Variants in CLEC4D observed in about 807,000 individuals in gnomAD.
CLEC4D encodes C-type lectin domain family 4 member D.
A neutral mutation model predicts 21.1 loss-of-function variants in CLEC4D; 21 were observed. That is an observed-to-expected ratio of 1.00 (90% CI 0.71 to 1.43). The LOEUF (loss-of-function observed/expected upper bound fraction) is 1.43. CLEC4D is among the 40% of genes most tolerant of loss of function. The pLI is 0.00. For missense variants in CLEC4D, 289 were observed against 260.7 expected (o/e 1.11, Z -0.75); for synonymous variants, 85 against 83.1 (o/e 1.02, Z -0.12).
downstream of CLEC4D, among the ~76,000 whole-genome samples, chr12:8,523,776 A>T (rs892435236): frequency 1.3e-5 from 2 of 152,172 alleles, no homozygotes; most frequent in Non-Finnish European, 2.9e-5. Flanking sequence ...GTCTTGTACC[A>T]GTTTTCAAAG....
downstream of CLEC4D, among the ~76,000 whole-genome samples, chr12:8,524,832 A>C (rs749695981): frequency 6.6e-6 from 1 of 152,176 alleles, no homozygotes; most frequent in Non-Finnish European, 1.5e-5. Context: ...TGATGTGGGC[A>C]TTTAGTGCTA....
intron 4 of CLEC4D, among the ~76,000 whole-genome samples, chr12:8,519,566 G>A (rs1396400865): frequency 1.4e-4 from 21 of 152,126 alleles, no homozygotes; most frequent in South Asian, 4.1e-4. Flanking sequence ...CCAATGTCCC[G>A]TGCAGTGTGA....
chr12:8,516,423 T>C (rs771991991), intron 2 of CLEC4D, among the ~76,000 whole-genome samples: 105 of 152,106 alleles, frequency 6.9e-4, no homozygotes, highest in African/African-American at 2.4e-3. Context: ...ATACTTACAA[T>C]AAAAAAACTG....
chr12:8,524,913 G>A (rs767327573), downstream of CLEC4D, among the ~76,000 whole-genome samples: 9 of 152,064 alleles, frequency 5.9e-5, no homozygotes, highest in South Asian at 1.9e-3. Context: ...TGTTCTCATT[G>A]GTTTCCAAGA....
In CLEC4D at chr12:8,513,745, A is replaced by G; in HGVS notation, c.13A>G (p.Lys5Glu). Residue 5 changes from lysine to glutamate, a missense_variant, in exon 1 of 6, where the codon AAA (lysine) becomes GAA (glutamate). Lys to Glu is a moderately conservative substitution (Grantham distance 56). Transcript: ENST00000299665. ...GACTAATTAGACAATGGGGCTAGAAAAACCTCAAAGTAAACGTGAGTACTT... is the reference window on the plus strand; with the variant it reads ...GACTAATTAGACAATGGGGCTAGAAGAACCTCAAAGTAAACGTGAGTACTT... MGLE[K>E]PQSKLEGGMH... The G allele has an allele frequency of 8.7e-7, 1 of 1,151,126 alleles. No individual in the cohort carries two copies. The highest frequency in any genetic ancestry group is 1.2e-5 in the South Asian group (1 of 81,256). The allele number at this position is 1,151,126 out of a possible 1,614,324, so 71.3% of individuals were successfully genotyped here. A position where few individuals can be genotyped will look rare whatever the true frequency, so the allele number is the denominator to read the frequency against.
the CLEC4D span, among the ~76,000 whole-genome samples, chr12:8,529,409 GTTTGAGAC>G: frequency 3.6e-4 from 55 of 152,176 alleles, no homozygotes; most frequent in African/African-American, 1.3e-3. Flanking sequence ...GAGGCCAGCA[GTTTGAGAC>G]CAGCCTGGGC....
rs1406629428 is a variant in CLEC4D at position 8,513,642 on chromosome 12, T to A, written c.-91T>A. Reference sequence around the variant, plus strand: ...GTTCGATCTCAAGTATTTCTGAATATATTCCCCTATCCACAGAAATATACT... The same window carrying A: ...GTTCGATCTCAAGTATTTCTGAATAAATTCCCCTATCCACAGAAATATACT... On this transcript the variant is annotated 5_prime_UTR_variant, in exon 1 of 6. Transcript: ENST00000299665. 1 of 726,124 alleles carries A rather than the reference T, an allele frequency of 1.4e-6. No homozygotes were observed. The highest frequency in any genetic ancestry group is 2.5e-6 in the Non-Finnish European group (1 of 399,692). 45.0% of individuals were successfully genotyped at this position (726,124 alleles called of 1,614,324 possible). A position where few individuals can be genotyped will look rare whatever the true frequency, so the allele number is the denominator to read the frequency against.
intron 3 of CLEC4D, among the ~76,000 whole-genome samples, chr12:8,518,761 C>T (rs1319588216): frequency 6.6e-6 from 1 of 152,180 alleles, no homozygotes; most frequent in African/African-American, 2.4e-5. Context: ...CAATGAATAA[C>T]AGTCATGCCT....
chr12:8,521,345 T>C lies in CLEC4D; in HGVS notation c.*74T>C, dbSNP rs773013110. On this transcript the variant is annotated 3_prime_UTR_variant, in exon 6 of 6. Transcript: ENST00000299665. Reference sequence around the variant, plus strand: ...TAGAATAAGGCAGAATGTACGTGCGTCATTGGAACACAGAAAACATGCTGG... The same window carrying C: ...TAGAATAAGGCAGAATGTACGTGCGCCATTGGAACACAGAAAACATGCTGG... 14 of 1,526,720 alleles carry C rather than the reference T, an allele frequency of 9.2e-6. No homozygotes were observed. The highest frequency in any genetic ancestry group is 1.4e-5 in the African/African-American group (1 of 71,832). 94.6% of individuals were successfully genotyped at this position (1,526,720 alleles called of 1,614,324 possible).
chr12:8,523,323 C>T (rs146852131), downstream of CLEC4D, among the ~76,000 whole-genome samples: 731 of 152,242 alleles, frequency 4.8e-3, 6 homozygotes, highest in Non-Finnish European at 7.6e-3. Context: ...TTCTTCCTAT[C>T]CATGAAGATG....
rs1467218385 is a variant in CLEC4D at position 8,519,044 on chromosome 12, G to A, written c.268G>A (p.Ala90Thr). 3 of 1,614,138 alleles carry A rather than the reference G, an allele frequency of 1.9e-6. No individual in the cohort carries two copies. Among genetic ancestry groups the A allele is most frequent in the African/African-American group, 1.3e-5 (1 of 75,044 alleles). ...TWNCCPIDWR[A>T]FQSNCYFPLT... ...GAACTGTTGTCCTATTGACTGGAGA[G>A]CCTTCCAGTCCAACTGCTATTTTCC... The change falls in exon 4 of 6, where the codon GCC becomes ACC. Residue 90 changes from alanine to threonine, a missense_variant. Transcript: ENST00000299665.
At chr12:8,519,846 A>C (rs954770971) in intron 4 of CLEC4D, among the ~76,000 whole-genome samples, 1 of 152,202 alleles carries the variant, frequency 6.6e-6, no homozygotes, top group Non-Finnish European at 1.5e-5. Flanking sequence ...ATAGGTTTAC[A>C]ATGTATAGGT....
chr12:8,513,572 T>A lies in CLEC4D; in HGVS notation c.-161T>A. Reference sequence around the variant, plus strand: ...AAAGACTTCTTTTGAGCTAACTTTCTTATACTGGTACCTTTCTAATCTCAC... The same window carrying A: ...AAAGACTTCTTTTGAGCTAACTTTCATATACTGGTACCTTTCTAATCTCAC... On this transcript the variant is annotated 5_prime_UTR_variant, in exon 1 of 6. Transcript: ENST00000299665. 2.2e-6 allele frequency: 1 copy of A among 444,584 alleles called. No homozygotes were observed. Among genetic ancestry groups the A allele is most frequent in the Admixed American group, 3.5e-5 (1 of 28,650 alleles). 27.5% of individuals were successfully genotyped at this position (444,584 alleles called of 1,614,324 possible). A position where few individuals can be genotyped will look rare whatever the true frequency, so the allele number is the denominator to read the frequency against.
At chr12:8,514,129 A>C (rs1940344782) in intron 1 of CLEC4D, among the ~76,000 whole-genome samples, 1 of 152,150 alleles carries the variant, frequency 6.6e-6, no homozygotes, top group South Asian at 2.1e-4. Flanking sequence ...GTTTGACTTA[A>C]GTGACACCAG....
the CLEC4D span, among the ~76,000 whole-genome samples, chr12:8,528,085 CG>C: frequency 9.9e-5 from 15 of 152,194 alleles, no homozygotes; most frequent in Non-Finnish European, 1.9e-4. Flanking sequence ...TCACTTATTG[CG>C]GTTTTTTTCC....
downstream of CLEC4D, among the ~76,000 whole-genome samples, chr12:8,523,794 T>A (rs2136390586): frequency 6.6e-6 from 1 of 152,352 alleles, no homozygotes. Flanking sequence ...AAGAAAATTC[T>A]TCCAGCTTTT....
intron 3 of CLEC4D, among the ~76,000 whole-genome samples, chr12:8,518,500 T>C (rs1940413960): frequency 6.6e-6 from 1 of 152,218 alleles, no homozygotes; most frequent in African/African-American, 2.4e-5. Context: ...ATTTTTGACA[T>C]CCAAAACATA....
rs748701347 is a variant in CLEC4D at position 8,513,635 on chromosome 12, C to T, written c.-98C>T. The T allele has an allele frequency of 2.9e-6, 2 of 697,208 alleles. No individual in the cohort carries two copies. The highest frequency in any genetic ancestry group is 2.6e-6 in the Non-Finnish European group (1 of 382,326). The allele number at this position is 697,208 out of a possible 1,614,324, so 43.2% of individuals were successfully genotyped here. ...CATTGGTGTTCGATCTCAAGTATTT[C>T]TGAATATATTCCCCTATCCACAGAA... On this transcript the variant is annotated 5_prime_UTR_variant, in exon 1 of 6. Transcript: ENST00000299665.
the CLEC4D span, among the ~76,000 whole-genome samples, chr12:8,527,901 T>G: frequency 1.3e-5 from 2 of 152,166 alleles, no homozygotes; most frequent in Non-Finnish European, 2.9e-5. Flanking sequence ...GGCTGGGTAG[T>G]GTGCTCACCG....
Sources: allele counts gnomAD v4.1 joint callset (sites outside exome capture counted in the v4.1 genomes callset), GRCh38; gene constraint gnomAD v4.1.1; transcripts MANE v1.5; gene names NCBI Gene and HGNC (gene_info 2026-07-23, HGNC 2026-07-21).